The following C6orf132 variants were observed in gnomAD, a reference collection of about 807,000 sequenced individuals.
C6orf132 encodes uncharacterized protein C6orf132.
C6orf132 carries 43 observed loss-of-function variants against 65.3 expected under a neutral mutation model. The observed-to-expected ratio is 0.66, with a 90% CI of 0.52 to 0.85. The LOEUF is 0.85. C6orf132 is among the 40% of genes least tolerant of loss of function. The pLI is 0.00. For missense variants in C6orf132, 1,488 were observed against 1,548.8 expected, an observed-to-expected ratio of 0.96 and a Z score of 0.66; for synonymous variants, 631 against 654.1, an observed-to-expected ratio of 0.96 and a Z score of 0.54.
chr6:42,104,232 G>C lies in C6orf132; in HGVS notation c.3449+231C>G, dbSNP rs1766345639. Among the ~76,000 whole-genome samples the C allele has an allele frequency of 3.9e-5, 6 of 152,012 alleles. No homozygotes were observed. The highest frequency in any genetic ancestry group is 2.6e-4 in the Admixed American group (4 of 15,292). On this transcript the variant is annotated intron_variant, in intron 4 of 4. Coordinates refer to ENST00000341865, the MANE Select transcript of C6orf132 (RefSeq NM_001164446.3). The surrounding 1 kb of genome is among the most constrained non-coding windows in gnomAD (Gnocchi z 4.1). ...GACCTCTGGGATCTAGCGGGCAGGAGAGAGACAGACGAGAGGAGCTGGTGG... is the reference window on the plus strand; with the variant it reads ...GACCTCTGGGATCTAGCGGGCAGGACAGAGACAGACGAGAGGAGCTGGTGG...
rs1766331158 is a variant in C6orf132, at chr6:42,103,525, C to T, written c.*236G>A. 1 of 350,094 alleles carries T rather than the reference C, an allele frequency of 2.9e-6. No individual in the cohort carries two copies. Among genetic ancestry groups the T allele is most frequent in the Admixed American group, 4.7e-5 (1 of 21,298 alleles). The allele number at this position is 350,094 out of a possible 1,614,324, so 21.7% of individuals were successfully genotyped here. ...TCCTTCTCTCTACCCTCCTTCCCCT[C>T]CCACCCCCCACGTGTAAACAGTCCA... On this transcript the variant is annotated 3_prime_UTR_variant, in exon 5 of 5. Coordinates refer to ENST00000341865, the MANE Select transcript of C6orf132 (RefSeq NM_001164446.3).
At chr6:42,115,527 T>G (rs1370894814) in intron 2 of C6orf132, among the ~76,000 whole-genome samples, 3 of 151,288 alleles carry the variant, frequency 2.0e-5, no homozygotes, top group African/African-American at 7.3e-5. Flanking sequence ...GCGCCTGTAG[T>G]CCCAGCTACT....
intron 2 of C6orf132, among the ~76,000 whole-genome samples, chr6:42,127,974 G>A (rs1766791369): frequency 6.6e-6 from 1 of 151,052 alleles, no homozygotes. Flanking sequence ...ACCCAGGCTG[G>A]AGGGCAGTGG....
intron 1 of C6orf132, 59 bp downstream of exon 1, chr6:42,142,241 G>C (rs150799103): frequency 2.0e-6 from 3 of 1,515,674 alleles, no homozygotes; most frequent in Non-Finnish European, 1.8e-6. Context: ...CAGCACCGCC[G>C]GCCCTGCCCC....
chr6:42,132,862 A>AAAAAAAAAG (rs1766874855), intron 1 of C6orf132, among the ~76,000 whole-genome samples: 1 of 149,960 alleles, frequency 6.7e-6, no homozygotes, highest in African/African-American at 2.5e-5. Flanking sequence ...GTCTCAAAAA[A>AAAAAAAAAG]AAAAAAGAAA....
rs545616482 is a variant in C6orf132 at position 42,113,136 on chromosome 6, A to G, written c.253-2845T>C. 2.3e-3 allele frequency among the ~76,000 whole-genome samples: 355 copies of G among 152,354 alleles called. 1 individual carries two copies. Among genetic ancestry groups the G allele is most frequent in the Non-Finnish European group, 3.6e-3 (245 of 68,036 alleles). On this transcript the variant is annotated intron_variant, in intron 2 of 4. Coordinates refer to ENST00000341865, the MANE Select transcript of C6orf132 (RefSeq NM_001164446.3). Reference sequence around the variant, plus strand: ...ACATCCTGAGATGTGCCACACACACATGCAAATCACTGACATTCTAATAAC... The same window carrying G: ...ACATCCTGAGATGTGCCACACACACGTGCAAATCACTGACATTCTAATAAC...
Position 42,136,036 on chromosome 6 carries a change from A to G in C6orf132, c.145+6264T>C, listed in dbSNP as rs149019837. Reference sequence around the variant, plus strand: ...GTTGGTAAGGCCTAATGGGTGCAGCACACCAGCATGGCACATGTATACATA... The same window carrying G: ...GTTGGTAAGGCCTAATGGGTGCAGCGCACCAGCATGGCACATGTATACATA... On this transcript the variant is annotated intron_variant, in intron 1 of 4. Coordinates refer to ENST00000341865, the MANE Select transcript of C6orf132 (RefSeq NM_001164446.3). 2.9e-3 allele frequency among the ~76,000 whole-genome samples: 447 copies of G among 152,242 alleles called. 3 individuals are homozygous for G. The highest frequency in any genetic ancestry group is 0.01 in the African/African-American group (428 of 41,530).
rs1369096512 is a variant in C6orf132, at chr6:42,124,601, G to T, written c.252+4071C>A. On this transcript the variant is annotated intron_variant, in intron 2 of 4. Coordinates refer to ENST00000341865, the MANE Select transcript of C6orf132 (RefSeq NM_001164446.3). This position sits in a 1 kb window ranked among gnomAD's most constrained non-coding sequence, Gnocchi z 4.0. ...GGGAGGGGTGGAGGCCTGGCCGGCT[G>T]GGACAGTGTCAGGCAGGGCTAGGCA... is the stretch of plus-strand genomic sequence containing the variant. Among the ~76,000 whole-genome samples the T allele has an allele frequency of 6.6e-6, 1 of 152,212 alleles. No homozygotes were observed. The highest frequency in any genetic ancestry group is 1.5e-5 in the Non-Finnish European group (1 of 68,018).
At chr6:42,116,636 A>G (rs1216441037) in intron 2 of C6orf132, among the ~76,000 whole-genome samples, 1 of 152,136 alleles carries the variant, frequency 6.6e-6, no homozygotes, top group Non-Finnish European at 1.5e-5. Flanking sequence ...GAATCCTTCC[A>G]TTGGTCCAGA....
chr6:42,106,897 G>A lies in C6orf132; in HGVS notation c.1015C>T (p.Pro339Ser). The A allele has an allele frequency of 6.5e-7, 1 of 1,536,028 alleles. No homozygotes were observed. Among genetic ancestry groups the A allele is most frequent in the Non-Finnish European group, 8.7e-7 (1 of 1,146,300 alleles). The change falls in exon 4 of 5, where the codon CCA (proline) becomes TCA (serine). Residue 339 changes from proline to serine, a missense_variant. Pro to Ser is a moderately conservative substitution (Grantham distance 74). Transcript: ENST00000341865. The part of the protein sequence containing the change: ...GATKKAPSRL[P>S]LPPSFHIRPA... ...CGGATGTGGAAGCTGGGAGGCAGTG[G>A]GAGTCGGCTGGGAGCCTTCTTGGTG...
At chr6:42,114,484 T>C (rs1766536948) in intron 2 of C6orf132, among the ~76,000 whole-genome samples, 1 of 152,236 alleles carries the variant, frequency 6.6e-6, no homozygotes, top group Admixed American at 6.5e-5. Flanking sequence ...ACTGATGTTT[T>C]TTCAGGGAAG....
At position 42,108,507 on chromosome 6, in the gene C6orf132, G is replaced by C. The variant is rs1766448596; in HGVS notation, c.329-924C>G. Reference sequence around the variant, plus strand: ...CAGGGGCGAGAGACCTCCTCAGTGAGGAAGGCTGGGTGAGAGACCCGCAGG... The same window carrying C: ...CAGGGGCGAGAGACCTCCTCAGTGACGAAGGCTGGGTGAGAGACCCGCAGG... On this transcript the variant is annotated intron_variant, in intron 3 of 4. Coordinates refer to ENST00000341865, the MANE Select transcript of C6orf132 (RefSeq NM_001164446.3). 3.9e-5 allele frequency among the ~76,000 whole-genome samples: 6 copies of C among 152,322 alleles called. No individual in the cohort carries two copies. In the South Asian group the frequency reaches 1.2e-3, roughly 32 times the overall value.
In C6orf132 at chr6:42,107,401, G is replaced by A. The variant is rs572862761; in HGVS notation, c.511C>T (p.Pro171Ser). ...SPLPSPPSTAPPPPPLLLEPP... is the reference protein window; with the variant it reads ...SPLPSPPSTASPPPPLLLEPP... ...TCCAGCAGCAGGGGAGGTGGTGGGG[G>A]TGCTGTGGAAGGTGGAGATGGCAGT... The change falls in exon 4 of 5, where the codon CCC (proline) becomes TCC (serine). Residue 171 changes from proline to serine, a missense_variant. Coordinates refer to ENST00000341865, the MANE Select transcript of C6orf132 (RefSeq NM_001164446.3). 25 of 1,394,828 alleles carry A rather than the reference G, an allele frequency of 1.8e-5. No individual in the cohort carries two copies. The highest frequency in any genetic ancestry group is 2.9e-5 in the African/African-American group (2 of 68,388). 86.4% of individuals were successfully genotyped at this position (1,394,828 alleles called of 1,614,324 possible).
At chr6:42,112,598 C>T (rs1029532704) in intron 2 of C6orf132, among the ~76,000 whole-genome samples, 1 of 152,178 alleles carries the variant, frequency 6.6e-6, no homozygotes, top group Non-Finnish European at 1.5e-5. Context: ...ATCCCCTGTC[C>T]GCACCACACT....
intron 2 of C6orf132, among the ~76,000 whole-genome samples, chr6:42,115,911 TTTTC>T (rs1766560281): frequency 6.7e-6 from 1 of 148,916 alleles, no homozygotes; most frequent in Admixed American, 6.7e-5. Flanking sequence ...CTTTTTTTTT[TTTTC>T]TTTTTTCTTT....
chr6:42,117,859 GATTGCA>G (rs2127475848), intron 2 of C6orf132, among the ~76,000 whole-genome samples: 1 of 139,872 alleles, frequency 7.1e-6, no homozygotes, highest in Admixed American at 7.6e-5. Flanking sequence ...AGGAGGTGGA[GATTGCA>G]GTGAGCCAAG....
chr6:42,135,621 A>G (rs560582827), intron 1 of C6orf132, among the ~76,000 whole-genome samples: 10 of 152,386 alleles, frequency 6.6e-5, no homozygotes, highest in African/African-American at 2.2e-4. Context: ...CTGAGGTCAG[A>G]AAGATTCTGG....
chr6:42,117,156 G>A (rs1235959634), intron 2 of C6orf132, among the ~76,000 whole-genome samples: 1 of 152,136 alleles, frequency 6.6e-6, no homozygotes, highest in Non-Finnish European at 1.5e-5. Context: ...TCTCCTCCCT[G>A]TGTGATCCTC....
chr6:42,124,669 G>A lies in C6orf132; in HGVS notation c.252+4003C>T, dbSNP rs1307451188. Among the ~76,000 whole-genome samples the A allele has an allele frequency of 6.6e-6, 1 of 152,214 alleles. No homozygotes were observed. The highest frequency in any genetic ancestry group is 6.5e-5 in the Admixed American group (1 of 15,286). On this transcript the variant is annotated intron_variant, in intron 2 of 4. Coordinates refer to ENST00000341865, the MANE Select transcript of C6orf132 (RefSeq NM_001164446.3). The surrounding 1 kb of genome is among the most constrained non-coding windows in gnomAD (Gnocchi z 4.0). ...CCACCCTGACTTGGTGGGGCTGGGG[G>A]ACGGGGTGTGTGCGTGTGCATGTGT...
Sources: gnomAD v4.1 joint callset for allele counts (sites outside exome capture counted in the v4.1 genomes callset) on GRCh38, gnomAD v4.1.1 for gene constraint, Gnocchi (gnomAD v3.1) non-coding constraint, MANE v1.5 for transcripts, NCBI Gene and HGNC (gene_info 2026-07-23, HGNC 2026-07-21) for gene names.